The following KAZN variants were observed in gnomAD, a reference collection of about 807,000 sequenced individuals.
KAZN encodes kazrin, periplakin interacting protein.
In KAZN, 40 loss-of-function variants were observed where a neutral mutation model predicts 87.4. That is an observed-to-expected ratio of 0.46 (90% CI 0.36 to 0.60). The LOEUF is 0.60. KAZN is among the 20% of genes least tolerant of loss of function. The pLI is 0.00. For missense variants in KAZN, 898 were observed against 1,073.9 expected, an observed-to-expected ratio of 0.84 and a Z score of 2.29; for synonymous variants, 466 against 458.3, an observed-to-expected ratio of 1.02 and a Z score of -0.22.
chr1:14,258,585 G>A (rs996081858), intron 2 of KAZN, among the ~76,000 whole-genome samples: 3 of 152,056 alleles, frequency 2.0e-5, no homozygotes, highest in Admixed American at 6.6e-5. Context: ...TTTGCTATTC[G>A]TTTAATCTAG....
At chr1:15,050,469 A>G (rs1674271074) in intron 4 of KAZN, among the ~76,000 whole-genome samples, 1 of 152,144 alleles carries the variant, frequency 6.6e-6, no homozygotes, top group African/African-American at 2.4e-5. Flanking sequence ...AACGACAGCC[A>G]CCACAGGCCC....
intron 1 of KAZN, among the ~76,000 whole-genome samples, chr1:14,754,210 AG>A (rs1644493698): frequency 6.6e-6 from 1 of 152,220 alleles, no homozygotes; most frequent in Non-Finnish European, 1.5e-5. Flanking sequence ...CTTTCTGCCC[AG>A]GGTGCTTTGG....
chr1:14,219,577 A>G (rs1255512963), intron 2 of KAZN, among the ~76,000 whole-genome samples: 1 of 152,178 alleles, frequency 6.6e-6, no homozygotes, highest in Non-Finnish European at 1.5e-5. Flanking sequence ...TCATTCTACA[A>G]ATATTTCATG....
intron 1 of KAZN, among the ~76,000 whole-genome samples, chr1:14,702,787 G>T (rs1240874184): frequency 6.6e-6 from 1 of 152,150 alleles, no homozygotes; most frequent in Non-Finnish European, 1.5e-5. Context: ...TGTTTAACGT[G>T]TGCCTTTGGT....
chr1:14,165,662 A>G (rs185591289), intron 1 of KAZN, among the ~76,000 whole-genome samples: 12 of 152,288 alleles, frequency 7.9e-5, no homozygotes, highest in Admixed American at 5.2e-4. Context: ...AGAAGAAAAG[A>G]ACAGTCTGTT....
intron 1 of KAZN, among the ~76,000 whole-genome samples, chr1:14,075,774 G>A (rs1643430101): frequency 6.6e-6 from 1 of 152,176 alleles, no homozygotes; most frequent in Non-Finnish European, 1.5e-5. Context: ...CTGTGGGGCT[G>A]CCCTATACAC....
Position 13,926,652 on chromosome 1 carries a change from T to TA in KAZN, c.91+32912dup, listed in dbSNP as rs60345092. Among the ~76,000 whole-genome samples, 624 of 145,118 alleles carry TA rather than the reference T, an allele frequency of 4.3e-3. 3 individuals carry two copies. Among genetic ancestry groups the TA allele is most frequent in the African/African-American group, 0.014 (548 of 39,466 alleles). ...GAAAGGAAGATTTATCTTTAAGAGT[T>TA]AAAAAAAAAAAAAAAATCTCCTGGG... On this transcript the variant is annotated intron_variant, in intron 1 of 16. Coordinates refer to the KAZN transcript ENST00000636203.
At chr1:14,870,160 G>A (rs1039175942) in intron 1 of KAZN, among the ~76,000 whole-genome samples, 5 of 152,132 alleles carry the variant, frequency 3.3e-5, no homozygotes, top group Non-Finnish European at 5.9e-5. Flanking sequence ...GAGATTCCTT[G>A]AACATGGAGT....
chr1:13,909,094 A>G (rs1639554606), intron 1 of KAZN, among the ~76,000 whole-genome samples: 1 of 152,190 alleles, frequency 6.6e-6, no homozygotes, highest in Non-Finnish European at 1.5e-5. Context: ...GAAGATGGGC[A>G]TTGGCAGGGG....
At chr1:14,067,991 C>T (rs959112587) in intron 1 of KAZN, among the ~76,000 whole-genome samples, 3 of 152,170 alleles carry the variant, frequency 2.0e-5, no homozygotes, top group Non-Finnish European at 2.9e-5. Context: ...ACACTCATTC[C>T]TGAATCAGTT....
chr1:14,795,391 C>T (rs1645800188), intron 1 of KAZN, among the ~76,000 whole-genome samples: 1 of 151,964 alleles, frequency 6.6e-6, no homozygotes, highest in African/African-American at 2.4e-5. Flanking sequence ...TAGATGTAAT[C>T]TCTTCTGTGT....
chr1:14,161,020 G>T (rs973312942), intron 1 of KAZN, among the ~76,000 whole-genome samples: 3 of 152,318 alleles, frequency 2.0e-5, no homozygotes, highest in African/African-American at 7.2e-5. Context: ...TCCCTGATGG[G>T]TGGAACCGTC....
In KAZN at chr1:14,517,861, A is replaced by G. The variant is rs562764960; in HGVS notation, c.250-81122A>G. ...GATGGCTCCACATTTTCTCATTGCC[A>G]TAAAACAAAGCAGAAGAATATAAGC... On this transcript the variant is annotated intron_variant, in intron 2 of 16. Transcript: ENST00000636203. Among the ~76,000 whole-genome samples, 15 of 152,354 alleles carry G rather than the reference A, an allele frequency of 9.8e-5. No individual in the cohort carries two copies. The East Asian group carries it at 2.1e-3, about 22-fold the overall frequency.
chr1:14,623,503 G>A (rs1019132687), intron 1 of KAZN, among the ~76,000 whole-genome samples: 2 of 152,184 alleles, frequency 1.3e-5, no homozygotes, highest in African/African-American at 2.4e-5. Flanking sequence ...GGAGCAGAAA[G>A]GATGATTATC....
chr1:14,187,078 T>G (rs1271057849), intron 2 of KAZN, among the ~76,000 whole-genome samples: 1 of 152,186 alleles, frequency 6.6e-6, no homozygotes, highest in Non-Finnish European at 1.5e-5. Flanking sequence ...AGGTTGGGTA[T>G]TATTATCTCT....
chr1:14,028,425 T>TGTTAA (rs1440150287), intron 1 of KAZN, among the ~76,000 whole-genome samples: 3 of 152,156 alleles, frequency 2.0e-5, no homozygotes, highest in African/African-American at 7.2e-5. Flanking sequence ...AATCACCTCC[T>TGTTAA]CATGCATAAC....
In KAZN at chr1:15,048,891, G is replaced by A. The variant is rs942990420; in HGVS notation, c.726+4732G>A. Among the ~76,000 whole-genome samples, 21 of 150,566 alleles carry A rather than the reference G, an allele frequency of 1.4e-4. 1 individual carries two copies. Among genetic ancestry groups the A allele is most frequent in the East Asian group, 4.1e-4 (2 of 4,862 alleles). Reference sequence around the variant, plus strand: ...GGTCCTGGGTCGTTGGTCCTGGGTCGTTGGTCCTGGGTCGTTGGTCATGCC... The same window carrying A: ...GGTCCTGGGTCGTTGGTCCTGGGTCATTGGTCCTGGGTCGTTGGTCATGCC... On this transcript the variant is annotated intron_variant, in intron 4 of 14. Coordinates refer to ENST00000376030, the MANE Select transcript of KAZN (RefSeq NM_201628.3).
chr1:14,898,118 G>A (rs765395834), intron 1 of KAZN, among the ~76,000 whole-genome samples: 1 of 152,218 alleles, frequency 6.6e-6, no homozygotes, highest in Non-Finnish European at 1.5e-5. Context: ...GGTGAGCACA[G>A]TTATAAGCGA....
At position 15,066,860 on chromosome 1, in the gene KAZN, C is replaced by T; in HGVS notation, c.1222+1107C>T. 2.0e-6 allele frequency: 2 copies of T among 985,482 alleles called. No homozygotes were observed. The highest frequency in any genetic ancestry group is 2.4e-6 in the Non-Finnish European group (2 of 829,956). 61.0% of individuals were successfully genotyped at this position (985,482 alleles called of 1,614,324 possible). Reference sequence around the variant, plus strand: ...TCTCCTGCCCATGCATGAAAGGATCCTCCACCTTCTTCCCACCCAGAGCTC... The same window carrying T: ...TCTCCTGCCCATGCATGAAAGGATCTTCCACCTTCTTCCCACCCAGAGCTC... On this transcript the variant is annotated intron_variant, in intron 8 of 14. Coordinates refer to ENST00000376030, the MANE Select transcript of KAZN (RefSeq NM_201628.3). This position sits in a 1 kb window ranked among gnomAD's most constrained non-coding sequence, Gnocchi z 4.3.
Sources: gnomAD v4.1 joint callset for allele counts (sites outside exome capture counted in the v4.1 genomes callset) on GRCh38, gnomAD v4.1.1 for gene constraint, Gnocchi (gnomAD v3.1) non-coding constraint, MANE v1.5 for transcripts, NCBI Gene and HGNC (gene_info 2026-07-23, HGNC 2026-07-21) for gene names.